The following IZUMO1R variants were observed in gnomAD, a reference collection of about 807,000 sequenced individuals.
IZUMO1R encodes sperm-egg fusion protein Juno.
Under a neutral mutation model 22.1 loss-of-function variants are expected in IZUMO1R, and 24 were observed. The observed-to-expected ratio is 1.09, with a 90% CI of 0.79 to 1.53. The LOEUF is 1.53. IZUMO1R is among the 40% of genes most tolerant of loss of function. The pLI, the probability that IZUMO1R is intolerant of heterozygous loss-of-function variation, is 0.00. For synonymous variants in IZUMO1R, 133 were observed against 121.2 expected (o/e 1.10, Z -0.64); for missense variants, 308 against 314.9 (o/e 0.98, Z 0.17).
At chr11:94,305,919 T>C (rs1944014104) in intron 2 of IZUMO1R, 145 bp downstream of exon 2, 18 of 905,214 alleles carry the variant, frequency 2.0e-5, no homozygotes, top group Non-Finnish European at 3.0e-5. Context: ...AAAGAGACTA[T>C]GCCTTTTTGA....
rs758043855 is a variant in IZUMO1R at position 94,306,771 on chromosome 11, G to A, written c.348+49G>A. The A allele has an allele frequency of 5.1e-6, 8 of 1,561,274 alleles. No homozygotes were observed. In the Admixed American group the frequency reaches 1.0e-4, roughly 20 times the overall value. ...CCCTGTTATTATATTAACAGCCAGA[G>A]CTTTCACCCGATCTTATGCTGATGC... On this transcript the variant is annotated intron_variant, in intron 3 of 4. Transcript: ENST00000687084.
In IZUMO1R at chr11:94,307,794, G is replaced by A. The variant is rs114128329; in HGVS notation, c.*102G>A. On this transcript the variant is annotated 3_prime_UTR_variant, in exon 5 of 5. Coordinates refer to ENST00000687084, the MANE Select transcript of IZUMO1R (RefSeq NM_001199206.4). ...CTCAGGCCCTCCCCTAAAAGCAGTG[G>A]CATGGGCTAGGGACTGCAGTCCCAC... is the stretch of plus-strand genomic sequence containing the variant. 5 of 1,231,476 alleles carry A rather than the reference G, an allele frequency of 4.1e-6. No individual in the cohort carries two copies. The highest frequency in any genetic ancestry group is 5.7e-6 in the Non-Finnish European group (5 of 883,504). 76.3% of individuals were successfully genotyped at this position (1,231,476 alleles called of 1,614,324 possible).
In IZUMO1R at chr11:94,306,722, G is replaced by C. The variant is rs762092008; in HGVS notation, c.348G>C (p.Glu116Asp). The change falls in exon 3 of 5, where the codon GAG becomes GAC. Residue 116 changes from glutamate (E) to aspartate (D), a missense_variant and splice_region_variant. Transcript: ENST00000687084. Reference protein sequence around the residue: ...WIQPVGSLGWEVAPSGQGERV... With the variant: ...WIQPVGSLGWDVAPSGQGERV... Reference sequence around the variant, plus strand: ...AGCCAGTGGGAAGCCTGGGGTGGGAGGTAGGAAGCAGATCTGTGCCATGCC... The same window carrying C: ...AGCCAGTGGGAAGCCTGGGGTGGGACGTAGGAAGCAGATCTGTGCCATGCC... The C allele has an allele frequency of 6.2e-7, 1 of 1,613,814 alleles. No individual in the cohort carries two copies. The highest frequency in any genetic ancestry group is 1.1e-5 in the South Asian group (1 of 91,064).
rs1944031617 is a variant in IZUMO1R, at chr11:94,307,278, T to C, written c.462T>C (p.Arg154=). ...CTTACACATGCAAATCCAACTGGCG[T>C]GGTGGCTGGGACTGGAGTCAGGGTG... ...RMSYTCKSNW[R]GGWDWSQGKN... Residue 154 remains arginine (R), a synonymous_variant, in exon 4 of 5, where the codon CGT becomes CGC. Transcript: ENST00000687084. 2.5e-6 allele frequency: 4 copies of C among 1,612,566 alleles called. No homozygotes were observed. The highest frequency in any genetic ancestry group is 3.4e-6 in the Non-Finnish European group (4 of 1,179,458).
intron 1 of IZUMO1R, among the ~76,000 whole-genome samples, chr11:94,305,153 G>T (rs1303051480): frequency 6.6e-6 from 1 of 152,134 alleles, no homozygotes; most frequent in African/African-American, 2.4e-5. Flanking sequence ...TTGGGGGACT[G>T]GGGGAGCCAT....
In IZUMO1R at chr11:94,307,049, G is replaced by A. The variant is rs1181443298; in HGVS notation, c.349-116G>A. On this transcript the variant is annotated intron_variant, in intron 3 of 4. Transcript: ENST00000687084. ...GGTATTATTTGTAAAATAACACTTA[G>A]AGGCTTTATGGAAGATGATGTACAT... 4.0e-6 allele frequency: 5 copies of A among 1,234,702 alleles called. No individual in the cohort carries two copies. The East Asian group carries it at 1.0e-4, about 25-fold the overall frequency. 76.5% of individuals were successfully genotyped at this position (1,234,702 alleles called of 1,614,324 possible).
chr11:94,306,602 G>A lies in IZUMO1R; in HGVS notation c.228G>A (p.Leu76=). The change falls in exon 3 of 5, where the codon CTG becomes CTA. Residue 76 remains leucine (L), a synonymous_variant. Coordinates refer to ENST00000687084, the MANE Select transcript of IZUMO1R (RefSeq NM_001199206.4). ...LDVSPLYNFS[L]FHCGLLMPGC... is the part of the protein sequence containing the mutation. ...TATCCCCACTCTACAACTTCAGCCTGTTTCACTGTGGACTGCTGATGCCTG... is the reference window on the plus strand; with the variant it reads ...TATCCCCACTCTACAACTTCAGCCTATTTCACTGTGGACTGCTGATGCCTG... 6.2e-7 allele frequency: 1 copy of A among 1,613,998 alleles called. No homozygotes were observed. Among genetic ancestry groups the A allele is most frequent in the Non-Finnish European group, 8.5e-7 (1 of 1,179,868 alleles).
chr11:94,306,829 T>A, intron 3 of IZUMO1R, 107 bp downstream of exon 3: 1 of 1,162,390 alleles, frequency 8.6e-7, no homozygotes, highest in Non-Finnish European at 1.2e-6. Context: ...GGAGGTGTTA[T>A]TTCCCTATGG....
rs139731588 is a variant in IZUMO1R at position 94,306,797 on chromosome 11, C to T, written c.348+75C>T. The stretch of plus-strand genomic sequence containing the variant: ...CTTTCACCCGATCTTATGCTGATGC[C>T]GCCAGGATGCTAGTAGGAACAGGAG... On this transcript the variant is annotated intron_variant, in intron 3 of 4. Coordinates refer to ENST00000687084, the MANE Select transcript of IZUMO1R (RefSeq NM_001199206.4). 627 of 1,414,136 alleles carry T rather than the reference C, an allele frequency of 4.4e-4. 4 individuals carry two copies. In the African/African-American group the frequency reaches 7.4e-3, roughly 17 times the overall value. 87.6% of individuals were successfully genotyped at this position (1,414,136 alleles called of 1,614,324 possible). A position where few individuals can be genotyped will look rare whatever the true frequency, so the allele number is the denominator to read the frequency against.
chr11:94,307,639 G>A lies in IZUMO1R; in HGVS notation c.700G>A (p.Glu234Lys). Residue 234 changes from glutamate to lysine, a missense_variant, in exon 5 of 5, where the codon GAA (glutamate) becomes AAA (lysine). By Grantham distance (56) the Glu-to-Lys change is moderately conservative (BLOSUM62 1). Transcript: ENST00000687084. ...RLFASSAPSW[E>K]LSYTIMVCSL... is the part of the protein sequence containing the mutation. ...CTTCGCCAGCTCTGCCCCATCCTGGGAACTGTCCTACACCATCATGGTCTG... is the reference window on the plus strand; with the variant it reads ...CTTCGCCAGCTCTGCCCCATCCTGGAAACTGTCCTACACCATCATGGTCTG... The A allele has an allele frequency of 6.2e-7, 1 of 1,613,828 alleles. No homozygotes were observed. Among genetic ancestry groups the A allele is most frequent in the Non-Finnish European group, 8.5e-7 (1 of 1,179,812 alleles).
chr11:94,306,747 C>T (rs753118860), intron 3 of IZUMO1R, 25 bp downstream of exon 3: 1 of 1,606,536 alleles, frequency 6.2e-7, no homozygotes, highest in Non-Finnish European at 8.5e-7. Flanking sequence ...TGTGCCATGC[C>T]CTGTTATTAT....
rs202165897 is a variant in IZUMO1R at position 94,307,172 on chromosome 11, C to T, written c.356C>T (p.Pro119Leu). Reference protein sequence around the residue: ...PVGSLGWEVAPSGQGERVVNV... With the variant: ...PVGSLGWEVALSGQGERVVNV... ...GGCTATGACTGCACCCAGGTGGCCC[C>T]GAGTGGGCAGGGAGAGCGAGTTGTG... The change falls in exon 4 of 5, where the codon CCG becomes CTG. Residue 119 changes from proline (P) to leucine (L), a missense_variant. Coordinates refer to ENST00000687084, the MANE Select transcript of IZUMO1R (RefSeq NM_001199206.4). The T allele has an allele frequency of 7.1e-5, 113 of 1,595,566 alleles. No homozygotes were observed. Among genetic ancestry groups the T allele is most frequent in the South Asian group, 1.7e-4 (15 of 87,854 alleles).
At chr11:94,307,097 C>G (rs757288758) in intron 3 of IZUMO1R, 68 bp from the exon 4 acceptor site, 3 of 1,501,794 alleles carry the variant, frequency 2.0e-6, no homozygotes, top group Non-Finnish European at 2.7e-6. Flanking sequence ...ACAAATACCA[C>G]TGTAGCTATT....
Position 94,306,700 on chromosome 11 carries a change from C to A in IZUMO1R, c.326C>A (p.Pro109Gln). Reference sequence around the variant, plus strand: ...CCAAACCTGGGGCCCTGGATCCAGCCAGTGGGAAGCCTGGGGTGGGAGGTA... The same window carrying A: ...CCAAACCTGGGGCCCTGGATCCAGCAAGTGGGAAGCCTGGGGTGGGAGGTA... ...CSPNLGPWIQPVGSLGWEVAP... is the reference protein window; with the variant it reads ...CSPNLGPWIQQVGSLGWEVAP... Residue 109 changes from proline (P) to glutamine (Q), a missense_variant, in exon 3 of 5, where the codon CCA (proline) becomes CAA (glutamine). By Grantham distance (76) the Pro-to-Gln change is moderately conservative. Transcript: ENST00000687084. 6.2e-7 allele frequency: 1 copy of A among 1,613,974 alleles called. No homozygotes were observed. Among genetic ancestry groups the A allele is most frequent in the African/African-American group, 1.3e-5 (1 of 75,044 alleles).
chr11:94,307,806 G>A lies in IZUMO1R; in HGVS notation c.*114G>A. ...CCTAAAAGCAGTGGCATGGGCTAGGGACTGCAGTCCCACCCAGTCTAGCCC... is the reference window on the plus strand; with the variant it reads ...CCTAAAAGCAGTGGCATGGGCTAGGAACTGCAGTCCCACCCAGTCTAGCCC... On this transcript the variant is annotated 3_prime_UTR_variant, in exon 5 of 5. Transcript: ENST00000687084. 1 of 869,534 alleles carries A rather than the reference G, an allele frequency of 1.2e-6. No homozygotes were observed. Among genetic ancestry groups the A allele is most frequent in the African/African-American group, 2.8e-5 (1 of 36,152 alleles). 53.9% of individuals were successfully genotyped at this position (869,534 alleles called of 1,614,324 possible). A position where few individuals can be genotyped will look rare whatever the true frequency, so the allele number is the denominator to read the frequency against.
Position 94,306,730 on chromosome 11 carries a change from G to A in IZUMO1R, c.348+8G>A, listed in dbSNP as rs377369966. ...GGAAGCCTGGGGTGGGAGGTAGGAA[G>A]CAGATCTGTGCCATGCCCTGTTATT... On this transcript the variant is annotated splice_region_variant and intron_variant, in intron 3 of 4. Coordinates refer to ENST00000687084, the MANE Select transcript of IZUMO1R (RefSeq NM_001199206.4). The A allele has an allele frequency of 9.3e-6, 15 of 1,613,160 alleles. No homozygotes were observed. Among genetic ancestry groups the A allele is most frequent in the Non-Finnish European group, 1.2e-5 (14 of 1,179,384 alleles).
intron 2 of IZUMO1R, 150 bp from the exon 3 acceptor site, chr11:94,306,363 G>T (rs1944018782): frequency 7.1e-6 from 5 of 707,488 alleles, no homozygotes; most frequent in Admixed American, 6.5e-5. Context: ...GATTATCAGG[G>T]TTCCTCTTAT....
rs1227218697 is a variant in IZUMO1R, at chr11:94,307,573, G to A, written c.634G>A (p.Glu212Lys). 6.2e-7 allele frequency: 1 copy of A among 1,613,708 alleles called. No homozygotes were observed. Among genetic ancestry groups the A allele is most frequent in the African/African-American group, 1.3e-5 (1 of 74,952 alleles). The change falls in exon 5 of 5, where the codon GAG (glutamate) becomes AAG (lysine). Residue 212 changes from glutamate (E) to lysine (K), a missense_variant. Physicochemically the swap from Glu to Lys is moderately conservative, Grantham distance 56 (BLOSUM62 1). Coordinates refer to ENST00000687084, the MANE Select transcript of IZUMO1R (RefSeq NM_001199206.4). ...NSGRCLQKWFEPAQGNPNVAV... is the reference protein window; with the variant it reads ...NSGRCLQKWFKPAQGNPNVAV... ...TGGGCGGTGTCTCCAGAAGTGGTTTGAGCCTGCTCAGGGCAACCCCAATGT... is the reference window on the plus strand; with the variant it reads ...TGGGCGGTGTCTCCAGAAGTGGTTTAAGCCTGCTCAGGGCAACCCCAATGT...
At chr11:94,306,905 G>A (rs1348949183) in intron 3 of IZUMO1R, among the ~76,000 whole-genome samples, 183 bp downstream of exon 3, 9 of 152,154 alleles carry the variant, frequency 5.9e-5, no homozygotes, top group Non-Finnish European at 1.2e-4. Flanking sequence ...ACAACAGTGG[G>A]ATGAGGGGCT....
Sources: gnomAD v4.1 joint callset for allele counts (sites outside exome capture counted in the v4.1 genomes callset) on GRCh38, gnomAD v4.1.1 for gene constraint, MANE v1.5 for transcripts, NCBI Gene and HGNC (gene_info 2026-07-23, HGNC 2026-07-21) for gene names.